DAPP1: variants seen among roughly 807,000 people sequenced by gnomAD.
The protein encoded by DAPP1 is dual adaptor of phosphotyrosine and 3-phosphoinositides 1, also known as dual adapter for phosphotyrosine and 3-phosphotyrosine and 3-phosphoinositide.
DAPP1 carries 20 observed loss-of-function variants against 41.5 expected under a neutral mutation model. The ratio of observed to expected loss-of-function variants is 0.48; its 90% CI spans 0.34 to 0.70. The LOEUF is 0.70. Ranked by LOEUF, DAPP1 falls within the 30% of genes least tolerant of loss-of-function variation. The pLI is 0.01. For synonymous variants in DAPP1, 113 were observed against 116.2 expected, an observed-to-expected ratio of 0.97 and a Z score of 0.18; for missense variants, 233 against 333.4, an observed-to-expected ratio of 0.70 and a Z score of 2.35.
chr4:99,860,018 G>A (rs1302700842), intron 4 of DAPP1, among the ~76,000 whole-genome samples: 1 of 152,234 alleles, frequency 6.6e-6, no homozygotes, highest in Non-Finnish European at 1.5e-5. Context: ...TTTAAGGCTG[G>A]CAGGCAAGTA....
chr4:99,870,899 A>G (rs886197937), downstream of DAPP1, among the ~76,000 whole-genome samples: 1 of 152,126 alleles, frequency 6.6e-6, no homozygotes, highest in East Asian at 1.9e-4. Flanking sequence ...CAACTTCACA[A>G]TGGGTCTATT....
At chr4:99,864,059 A>G (rs951401357) in intron 7 of DAPP1, 18 of 449,498 alleles carry the variant, frequency 4.0e-5, no homozygotes, top group Middle Eastern at 6.0e-4. Context: ...AGCTCAGCTT[A>G]TGTTGCGTAC....
intron 1 of DAPP1, among the ~76,000 whole-genome samples, chr4:99,823,749 A>G (rs1722849251): frequency 6.6e-6 from 1 of 152,212 alleles, no homozygotes; most frequent in Non-Finnish European, 1.5e-5. Flanking sequence ...ATAGTTCAGC[A>G]TGATGGGTGG....
intron 4 of DAPP1, among the ~76,000 whole-genome samples, chr4:99,854,910 T>A (rs577466019): frequency 4.3e-4 from 66 of 152,342 alleles, no homozygotes; most frequent in African/African-American, 1.6e-3. Context: ...TCTAAGTACA[T>A]GAATCATTGC....
intron 3 of DAPP1, among the ~76,000 whole-genome samples, chr4:99,843,946 A>G (rs973779185): frequency 2.7e-4 from 41 of 152,226 alleles, no homozygotes; most frequent in South Asian, 2.1e-4. Flanking sequence ...ACTTGTGACA[A>G]TTTTAACTTT....
At chr4:99,866,205 G>C in intron 8 of DAPP1, 84 bp downstream of exon 8, 1 of 776,442 alleles carries the variant, frequency 1.3e-6, no homozygotes, top group Non-Finnish European at 2.2e-6. Flanking sequence ...AAAAGAGTCA[G>C]ACTAGACCCA....
rs1491323314 is a variant in DAPP1 at position 99,865,934 on chromosome 4, A to AT, written c.687-100_687-99insT. On this transcript the variant is annotated intron_variant, in intron 7 of 8. Coordinates refer to ENST00000512369, the MANE Select transcript of DAPP1 (RefSeq NM_014395.3). ...ATATATATATATATATAATATATATAATATATTATATTATATATTATATTA... is the reference window on the plus strand; with the variant it reads ...ATATATATATATATATAATATATATATATATATTATATTATATATTATATTA... 718 of 80,672 alleles carry AT rather than the reference A, an allele frequency of 8.9e-3. 2 individuals are homozygous for AT. Among genetic ancestry groups the AT allele is most frequent in the Middle Eastern group, 0.019 (3 of 154 alleles). 5.0% of individuals were successfully genotyped at this position (80,672 alleles called of 1,614,324 possible).
chr4:99,861,490 A>T, intron 4 of DAPP1, 88 bp from the exon 5 acceptor site: 1 of 1,350,538 alleles, frequency 7.4e-7, no homozygotes, highest in Non-Finnish European at 1.0e-6. Flanking sequence ...AAAAGCAAAC[A>T]TTCTTCATTT....
At chr4:99,865,405 A>G (rs1724389775) in intron 7 of DAPP1, 1 of 152,238 alleles carries the variant, frequency 6.6e-6, no homozygotes. Context: ...TTGTGCCAGT[A>G]GGAAAGTTCT....
chr4:99,853,288 G>A lies in DAPP1; in HGVS notation c.429G>A (p.Arg143=). The part of the protein sequence containing the change: ...VEEPSIYESV[R]VHTAMQTGRT... ...AACCCTCCATTTATGAATCTGTCCGGGTTCACACAGCAATGCAGACAGGAA... is the reference window on the plus strand; with the variant it reads ...AACCCTCCATTTATGAATCTGTCCGAGTTCACACAGCAATGCAGACAGGAA... The change falls in exon 4 of 9, where the codon CGG becomes CGA. Residue 143 remains arginine, a synonymous_variant. Transcript: ENST00000512369. The A allele has an allele frequency of 6.2e-7, 1 of 1,613,280 alleles. No individual in the cohort carries two copies. Among genetic ancestry groups the A allele is most frequent in the Non-Finnish European group, 8.5e-7 (1 of 1,179,612 alleles).
chr4:99,822,477 A>T (rs1206453208), intron 1 of DAPP1, among the ~76,000 whole-genome samples: 2 of 152,192 alleles, frequency 1.3e-5, no homozygotes, highest in East Asian at 1.9e-4. Flanking sequence ...AGTGGAGAAG[A>T]TGGCCTTGGA....
chr4:99,868,974 A>T lies in DAPP1; in HGVS notation c.*789A>T, dbSNP rs1724556845. 1 of 152,210 alleles carries T rather than the reference A, an allele frequency of 6.6e-6. No individual in the cohort carries two copies. Among genetic ancestry groups the T allele is most frequent in the Non-Finnish European group, 1.5e-5 (1 of 68,034 alleles). 9.4% of individuals were successfully genotyped at this position (152,210 alleles called of 1,614,324 possible). On this transcript the variant is annotated 3_prime_UTR_variant, in exon 9 of 9. Transcript: ENST00000512369. ...AAAGTAATAGATAACTTTTAGTTTAATAATAATTATTGTTATTATACTACT... is the reference window on the plus strand; with the variant it reads ...AAAGTAATAGATAACTTTTAGTTTATTAATAATTATTGTTATTATACTACT...
At chr4:99,824,349 A>G (rs1722868492) in intron 1 of DAPP1, among the ~76,000 whole-genome samples, 1 of 152,228 alleles carries the variant, frequency 6.6e-6, no homozygotes, top group African/African-American at 2.4e-5. Context: ...TCCTGACTTA[A>G]GCCAGTGAGC....
At position 99,820,097 on chromosome 4, in the gene DAPP1, G is replaced by A. The variant is rs994021095; in HGVS notation, c.101+3083G>A. ...CCATCTTAAATTGTTGCTCAGCTTC[G>A]CTTACACTTCTCAGGGGAGGGTATG... On this transcript the variant is annotated intron_variant, in intron 1 of 8. Coordinates refer to ENST00000512369, the MANE Select transcript of DAPP1 (RefSeq NM_014395.3). Among the ~76,000 whole-genome samples the A allele has an allele frequency of 4.6e-5, 7 of 152,214 alleles. No homozygotes were observed. The South Asian group carries it at 8.3e-4, about 18-fold the overall frequency.
At chr4:99,834,997 C>T (rs1417543814) in intron 1 of DAPP1, among the ~76,000 whole-genome samples, 1 of 126,280 alleles carries the variant, frequency 7.9e-6, no homozygotes, top group Non-Finnish European at 1.6e-5. Flanking sequence ...AATTAGGGCC[C>T]ACCCTAATGA....
chr4:99,871,257 C>T (rs1035150135), downstream of DAPP1, among the ~76,000 whole-genome samples: 1 of 152,184 alleles, frequency 6.6e-6, no homozygotes, highest in Admixed American at 6.5e-5. Context: ...TCCACTGCAG[C>T]AAATCCATGT....
Position 99,853,335 on chromosome 4 carries a change from C to T in DAPP1, c.476C>T (p.Pro159Leu). The change falls in exon 4 of 9, where the codon CCC (proline) becomes CTC (leucine). Residue 159 changes from proline to leucine, a missense_variant. Pro to Leu is a moderately conservative substitution (Grantham distance 98). Transcript: ENST00000512369. ...QTGRTEDDLV[P>L]TAPSLGTKEG... ...GGAAGAACAGAAGATGACCTTGTGC[C>T]CACAGCACCTTCTGTAAGTGACCTT... is the stretch of plus-strand genomic sequence containing the variant. 1 of 1,609,208 alleles carries T rather than the reference C, an allele frequency of 6.2e-7. No individual in the cohort carries two copies. The highest frequency in any genetic ancestry group is 8.5e-7 in the Non-Finnish European group (1 of 1,177,536).
At chr4:99,866,518 A>G (rs750502850) in intron 8 of DAPP1, 1 of 763,834 alleles carries the variant, frequency 1.3e-6, no homozygotes, top group Non-Finnish European at 2.4e-6. Flanking sequence ...TGCCAGAGGC[A>G]CTTAGCTTAG....
chr4:99,870,330 C>CAT (rs3839158), downstream of DAPP1, among the ~76,000 whole-genome samples: 15,267 of 148,658 alleles, frequency 0.1, 842 homozygotes, highest in East Asian at 0.22. Flanking sequence ...AAACAATAAA[C>CAT]ATATATATAT....
Sources: gnomAD v4.1 joint callset for allele counts (sites outside exome capture counted in the v4.1 genomes callset) on GRCh38, gnomAD v4.1.1 for gene constraint, MANE v1.5 for transcripts, NCBI Gene and HGNC (gene_info 2026-07-23, HGNC 2026-07-21) for gene names.